Variants in IGSF10 observed in about 807,000 individuals in gnomAD.
IGSF10 encodes immunoglobulin superfamily member 10, also known as calvaria mechanical force protein 608.
IGSF10 carries 126 observed loss-of-function variants against 128.2 expected under a neutral mutation model. The observed-to-expected ratio is 0.98, with a 90% CI of 0.85 to 1.14. The LOEUF is 1.14. Ranked by LOEUF, IGSF10 falls within the 50% of genes most tolerant of loss-of-function variation. The pLI is 0.00. For missense variants in IGSF10, 3,295 were observed against 3,149.8 expected (o/e 1.05, Z -1.10); for synonymous variants, 1,185 against 1,146.2 (o/e 1.03, Z -0.68).
At chr3:151,553,911 G>A in the IGSF10 span, among the ~76,000 whole-genome samples, 1 of 151,690 alleles carries the variant, frequency 6.6e-6, no homozygotes, top group Non-Finnish European at 1.5e-5. Flanking sequence ...GACAGAAGGT[G>A]GAGATCAGCT....
At chr3:151,533,021 GCAGA>G in the IGSF10 span, among the ~76,000 whole-genome samples, 1 of 141,688 alleles carries the variant, frequency 7.1e-6, no homozygotes, top group African/African-American at 2.7e-5. Flanking sequence ...TACACCAATA[GCAGA>G]CAAACAGAGC....
At chr3:151,528,793 TGCA>T in the IGSF10 span, among the ~76,000 whole-genome samples, 2 of 109,018 alleles carry the variant, frequency 1.8e-5, no homozygotes, top group South Asian at 6.8e-4. Flanking sequence ...CTGAGCTAGC[TGCA>T]GGAGTTTTTT....
chr3:151,547,948 G>A, the IGSF10 span, among the ~76,000 whole-genome samples: 1 of 152,112 alleles, frequency 6.6e-6, no homozygotes. Flanking sequence ...TATGTTTGTG[G>A]TGTGGAAGAT....
At chr3:151,475,368 A>C in the IGSF10 span, among the ~76,000 whole-genome samples, 1 of 152,200 alleles carries the variant, frequency 6.6e-6, no homozygotes, top group African/African-American at 2.4e-5. Flanking sequence ...AGGTTAACCA[A>C]AAGGGGGGAA....
At chr3:151,519,357 T>TA in the IGSF10 span, among the ~76,000 whole-genome samples, 1 of 71,744 alleles carries the variant, frequency 1.4e-5, no homozygotes, top group Non-Finnish European at 3.7e-5. Context: ...AAAAGTTAGA[T>TA]TTTTAACTGC....
chr3:151,469,339 T>G, the IGSF10 span, among the ~76,000 whole-genome samples: 3 of 152,194 alleles, frequency 2.0e-5, no homozygotes, highest in Non-Finnish European at 4.4e-5. Context: ...CTGAAATAAT[T>G]TACATTCTGT....
At chr3:151,512,207 G>C in the IGSF10 span, among the ~76,000 whole-genome samples, 2 of 152,060 alleles carry the variant, frequency 1.3e-5, no homozygotes, top group African/African-American at 2.4e-5. Flanking sequence ...TGACCACATA[G>C]TTGGAAGTAA....
chr3:151,545,712 T>C, the IGSF10 span, among the ~76,000 whole-genome samples: 2 of 152,232 alleles, frequency 1.3e-5, no homozygotes, highest in African/African-American at 4.8e-5. Context: ...TTATTGGCAT[T>C]CCTCATCTGC....
At chr3:151,510,220 A>C in the IGSF10 span, among the ~76,000 whole-genome samples, 647 of 152,218 alleles carry the variant, frequency 4.3e-3, 4 homozygotes, top group Non-Finnish European at 6.7e-3. Flanking sequence ...CTGGGAGGCA[A>C]CCCCCAGTAG....
At chr3:151,455,356 C>T (rs1054947315) in intron 4 of IGSF10, among the ~76,000 whole-genome samples, 2 of 11,510 alleles carry the variant, frequency 1.7e-4, no homozygotes, top group African/African-American at 5.2e-4. Flanking sequence ...AGGTGATCTG[C>T]CCCCCCTTGG....
chr3:151,516,064 C>T, the IGSF10 span, among the ~76,000 whole-genome samples: 2 of 151,966 alleles, frequency 1.3e-5, no homozygotes, highest in Admixed American at 1.3e-4. Context: ...CAATCAACAC[C>T]TTCATAATCT....
chr3:151,432,624 T>C (rs1004138192), downstream of IGSF10: 27 of 684,080 alleles, frequency 3.9e-5, no homozygotes, highest in African/African-American at 4.8e-4. Flanking sequence ...AGGGCAAGGA[T>C]AGTACTCTCC....
chr3:151,494,829 AG>A, the IGSF10 span, among the ~76,000 whole-genome samples: 1 of 152,164 alleles, frequency 6.6e-6, no homozygotes, highest in Non-Finnish European at 1.5e-5. Flanking sequence ...ATAATCAGCA[AG>A]GGTTTGTCTG....
the IGSF10 span, among the ~76,000 whole-genome samples, chr3:151,486,922 G>T: frequency 6.6e-6 from 1 of 152,106 alleles, no homozygotes; most frequent in Non-Finnish European, 1.5e-5. Context: ...ATAATTAGAA[G>T]TACTAGAGAA....
At chr3:151,590,353 TA>T in the IGSF10 span, among the ~76,000 whole-genome samples, 6 of 151,240 alleles carry the variant, frequency 4.0e-5, no homozygotes, top group East Asian at 1.9e-4. Context: ...TTGAGTAATT[TA>T]AAAAAAAATG....
the IGSF10 span, among the ~76,000 whole-genome samples, chr3:151,518,746 G>A: frequency 5.9e-5 from 9 of 151,950 alleles, no homozygotes; most frequent in African/African-American, 2.2e-4. Flanking sequence ...TCAGCCAAAA[G>A]TTTTGTACTG....
At chr3:151,501,759 G>A in the IGSF10 span, among the ~76,000 whole-genome samples, 584 of 152,168 alleles carry the variant, frequency 3.8e-3, 2 homozygotes, top group African/African-American at 0.013. Flanking sequence ...GAGTGTTTAC[G>A]TAGGTAACCA....
the IGSF10 span, among the ~76,000 whole-genome samples, chr3:151,539,790 A>G: frequency 4.0e-5 from 6 of 151,750 alleles, no homozygotes; most frequent in Non-Finnish European, 8.8e-5. Context: ...CTATCTATCT[A>G]TCTATCTATC....
chr3:151,562,567 C>T, the IGSF10 span, among the ~76,000 whole-genome samples: 1 of 152,100 alleles, frequency 6.6e-6, no homozygotes, highest in African/African-American at 2.4e-5. Context: ...CTGTTCAAAG[C>T]ATCTTAAAGA....
Sources: gnomAD v4.1 joint callset for allele counts (sites outside exome capture counted in the v4.1 genomes callset) on GRCh38, gnomAD v4.1.1 for gene constraint, MANE v1.5 for transcripts, NCBI Gene and HGNC (gene_info 2026-07-23, HGNC 2026-07-21) for gene names.